The following CPNE1 variants were observed in gnomAD, a reference collection of about 807,000 sequenced individuals.
The protein encoded by CPNE1 is copine-1.
Under a neutral mutation model 63.2 loss-of-function variants are expected in CPNE1, and 58 were observed. That is an observed-to-expected ratio of 0.92 (90% CI 0.74 to 1.14). CPNE1 has a LOEUF of 1.14. Among genes scored for constraint, CPNE1 ranks in the 50% most tolerant of loss-of-function variants. The pLI is 0.00. For missense variants in CPNE1, 672 were observed against 661.7 expected, an observed-to-expected ratio of 1.02 and a Z score of -0.17; for synonymous variants, 237 against 249.0, an observed-to-expected ratio of 0.95 and a Z score of 0.45.
At chr20:35,655,286 C>T in intron 1 of CPNE1, 1 of 1,612,138 alleles carries the variant, frequency 6.2e-7, no homozygotes, top group Non-Finnish European at 8.5e-7. Context: ...GTCCCCGCCA[C>T]AATTGGGAGA....
At position 35,627,280 on chromosome 20, in the gene CPNE1, C is replaced by A; in HGVS notation, c.1236G>T (p.Ser412=). 1.2e-6 allele frequency: 2 copies of A among 1,613,240 alleles called. No homozygotes were observed. Among genetic ancestry groups the A allele is most frequent in the Non-Finnish European group, 1.7e-6 (2 of 1,179,694 alleles). Residue 412 remains serine, a splice_region_variant and synonymous_variant, in exon 14 of 16, where the codon TCG becomes TCT. Coordinates refer to ENST00000397443, the MANE Select transcript of CPNE1 (RefSeq NM_152925.3). ...AAQAAHQGTA[S]QYFMLLLLTD... is the part of the protein sequence containing the mutation. Reference sequence around the variant, plus strand: ...TGCCACTGCCACCCACGACTCTCACCGAGGCAGTCCCCTGATGTGCAGCCT... The same window carrying A: ...TGCCACTGCCACCCACGACTCTCACAGAGGCAGTCCCCTGATGTGCAGCCT...
At position 35,632,391 on chromosome 20, in the gene CPNE1, G is replaced by A; in HGVS notation, c.310-6C>T. 1 of 1,613,896 alleles carries A rather than the reference G, an allele frequency of 6.2e-7. No homozygotes were observed. Among genetic ancestry groups the A allele is most frequent in the East Asian group, 2.2e-5 (1 of 44,874 alleles). ...AGTACCTGGCTGGACACAATCTGGG[G>A]AAAAGCAGGGAAGGGAGTTTCAGGA... is the stretch of plus-strand genomic sequence containing the variant. On this transcript the variant is annotated splice_region_variant and splice_polypyrimidine_tract_variant and intron_variant, in intron 3 of 15. Coordinates refer to ENST00000397443, the MANE Select transcript of CPNE1 (RefSeq NM_152925.3).
chr20:35,639,771 C>T (rs1321161376), intron 1 of CPNE1, among the ~76,000 whole-genome samples: 3 of 152,222 alleles, frequency 2.0e-5, no homozygotes, highest in African/African-American at 7.2e-5. Flanking sequence ...TCTCACTCCA[C>T]GACTTCTCAA....
chr20:35,654,415 T>A, intron 1 of CPNE1: 1 of 1,614,202 alleles, frequency 6.2e-7, no homozygotes, highest in Non-Finnish European at 8.5e-7. Context: ...GACATACAGA[T>A]CATCAGGGTT....
At chr20:35,643,731 C>A (rs536550497) in intron 1 of CPNE1, among the ~76,000 whole-genome samples, 1 of 151,932 alleles carries the variant, frequency 6.6e-6, no homozygotes, top group Non-Finnish European at 1.5e-5. Flanking sequence ...GACTCTGTTG[C>A]GAAAACAAAA....
intron 1 of CPNE1, among the ~76,000 whole-genome samples, chr20:35,634,472 TA>T (rs1171585285): frequency 6.6e-6 from 1 of 151,534 alleles, no homozygotes; most frequent in East Asian, 1.9e-4. Flanking sequence ...TGGGCGCCTG[TA>T]ATCCTAGCAC....
At chr20:35,661,214 T>C (rs565733427) in intron 1 of CPNE1, among the ~76,000 whole-genome samples, 4 of 152,286 alleles carry the variant, frequency 2.6e-5, no homozygotes, top group Non-Finnish European at 5.9e-5. Flanking sequence ...GAAAGGTAAA[T>C]GGAAATAGAA....
At chr20:35,631,432 C>A in intron 8 of CPNE1, 60 bp downstream of exon 8, 1 of 1,601,474 alleles carries the variant, frequency 6.2e-7, no homozygotes, top group Non-Finnish European at 8.6e-7. Flanking sequence ...TCCTTCCTCT[C>A]TCCCACAAGC....
At position 35,631,951 on chromosome 20, in the gene CPNE1, T is replaced by A. The variant is rs1275349033; in HGVS notation, c.531A>T (p.Arg177Ser). The A allele has an allele frequency of 5.0e-6, 8 of 1,613,652 alleles. 1 individual carries two copies. Among genetic ancestry groups the A allele is most frequent in the South Asian group, 3.3e-5 (3 of 91,074 alleles). The change falls in exon 6 of 16, where the codon AGA becomes AGT. Residue 177 changes from arginine (R) to serine (S), a missense_variant. Transcript: ENST00000397443. ...QGDGKWHLVY[R>S]SEVIKNNLNP... ...AATCCCAGGGGTCTCATACCTCAGA[T>A]CTGTACACCAGGTGCCATTTCCCAT...
Position 35,632,206 on chromosome 20 carries a change from C to A in CPNE1, c.413G>T (p.Arg138Leu). Residue 138 changes from arginine to leucine, a missense_variant, in exon 5 of 16, where the codon CGT becomes CTT. Arg to Leu is a moderately radical substitution (Grantham distance 102). Transcript: ENST00000397443. ...TVSAQELKDN[R>L]VVTMEVEARN... ...GGCCTCTACCTCCATGGTTACTACACGATTGTCCTTTAATTCCTGAGCTGA... is the reference window on the plus strand; with the variant it reads ...GGCCTCTACCTCCATGGTTACTACAAGATTGTCCTTTAATTCCTGAGCTGA... 6.2e-7 allele frequency: 1 copy of A among 1,614,138 alleles called. No homozygotes were observed. The highest frequency in any genetic ancestry group is 1.6e-4 in the Middle Eastern group (1 of 6,062).
intron 1 of CPNE1, among the ~76,000 whole-genome samples, chr20:35,634,254 C>G (rs1568915745): frequency 7.5e-6 from 1 of 132,606 alleles, no homozygotes; most frequent in East Asian, 2.1e-4. Context: ...GAGGTTGACT[C>G]TGTCACAAAA....
intron 13 of CPNE1, 103 bp downstream of exon 13, chr20:35,630,336 G>T: frequency 1.2e-6 from 1 of 851,596 alleles, no homozygotes; most frequent in Non-Finnish European, 1.9e-6. Flanking sequence ...TCCACCCTCT[G>T]GACAATGAAG....
At chr20:35,659,457 C>T (rs1235054786) in intron 1 of CPNE1, among the ~76,000 whole-genome samples, 1 of 152,190 alleles carries the variant, frequency 6.6e-6, no homozygotes, top group Non-Finnish European at 1.5e-5. Flanking sequence ...GATAGCAATT[C>T]AAGGGTACTC....
chr20:35,658,821 A>G, intron 1 of CPNE1: 1 of 635,976 alleles, frequency 1.6e-6, no homozygotes, highest in Non-Finnish European at 2.9e-6. Context: ...ACACACACAC[A>G]CACACACACA....
chr20:35,654,978 G>A lies in CPNE1; in HGVS notation c.-1+9782C>T, dbSNP rs1268346033. 6 of 1,614,000 alleles carry A rather than the reference G, an allele frequency of 3.7e-6. No individual in the cohort carries two copies. In the Admixed American group the frequency reaches 1.0e-4, roughly 27 times the overall value. On this transcript the variant is annotated intron_variant, in intron 1 of 15. Transcript: ENST00000397443. Reference sequence around the variant, plus strand: ...ATACTGTTGTGGGCAAGTTTACCCTGCTACTCATTCCTGAGCTAGGTGGTG... The same window carrying A: ...ATACTGTTGTGGGCAAGTTTACCCTACTACTCATTCCTGAGCTAGGTGGTG...
At chr20:35,650,542 TAAATTA>T (rs2033430173) in intron 1 of CPNE1, 1 of 150,386 alleles carries the variant, frequency 6.6e-6, no homozygotes, top group African/African-American at 2.4e-5. Context: ...AACATTAACT[TAAATTA>T]AACAGCATAT....
At chr20:35,640,761 A>T (rs761445725) in intron 1 of CPNE1, among the ~76,000 whole-genome samples, 2 of 152,142 alleles carry the variant, frequency 1.3e-5, no homozygotes, top group Non-Finnish European at 2.9e-5. Context: ...TGCTCTACTG[A>T]TATCTGTTAA....
intron 1 of CPNE1, among the ~76,000 whole-genome samples, chr20:35,639,616 A>G (rs2032688302): frequency 6.6e-6 from 1 of 152,214 alleles, no homozygotes. Flanking sequence ...GATTACAGGC[A>G]TGAGCCACCG....
intron 1 of CPNE1, chr20:35,652,851 A>T (rs1016790039): frequency 1.9e-6 from 3 of 1,607,124 alleles, no homozygotes; most frequent in African/African-American, 1.3e-5. Context: ...CAGGCCCAAA[A>T]GCTGGTGGCC....
Sources: allele counts gnomAD v4.1 joint callset (sites outside exome capture counted in the v4.1 genomes callset), GRCh38; gene constraint gnomAD v4.1.1; transcripts MANE v1.5; gene names NCBI Gene and HGNC (gene_info 2026-07-23, HGNC 2026-07-21).